GPC5: variants seen among roughly 807,000 people sequenced by gnomAD.
The protein encoded by GPC5 is glypican 5, also known as glypican-5.
A neutral mutation model predicts 53.9 loss-of-function variants in GPC5; 47 were observed. The observed-to-expected ratio is 0.87, with a 90% CI of 0.69 to 1.11. GPC5 has a LOEUF of 1.11. Among genes scored for constraint, GPC5 ranks in the 50% most tolerant of loss-of-function variants. The pLI is 0.00. For missense variants in GPC5, 748 were observed against 713.1 expected, an observed-to-expected ratio of 1.05 and a Z score of -0.56; for synonymous variants, 286 against 263.3, an observed-to-expected ratio of 1.09 and a Z score of -0.84.
chr13:91,425,488 G>A (rs1434973971), intron 1 of GPC5, among the ~76,000 whole-genome samples: 1 of 152,098 alleles, frequency 6.6e-6, no homozygotes, highest in Non-Finnish European at 1.5e-5. Flanking sequence ...TTCTCATGAG[G>A]TCTGATGGTT....
intron 7 of GPC5, chr13:92,239,805 T>G (rs931093189): frequency 2.6e-5 from 4 of 152,162 alleles, no homozygotes; most frequent in African/African-American, 7.2e-5. Context: ...ATGATTTGCT[T>G]TTATACATAT....
At chr13:92,131,440 T>G (rs564139447) in intron 6 of GPC5, among the ~76,000 whole-genome samples, 2 of 152,058 alleles carry the variant, frequency 1.3e-5, no homozygotes, top group Admixed American at 1.3e-4. Flanking sequence ...TAGAAACAGG[T>G]GAATCATCTA....
intron 6 of GPC5, among the ~76,000 whole-genome samples, chr13:92,002,539 G>T (rs987516359): frequency 6.6e-6 from 1 of 152,156 alleles, no homozygotes; most frequent in Non-Finnish European, 1.5e-5. Context: ...ATGTTGTGGA[G>T]GGAAAACCAT....
chr13:92,391,337 T>G (rs1424753941), intron 7 of GPC5, among the ~76,000 whole-genome samples: 1 of 152,168 alleles, frequency 6.6e-6, no homozygotes, highest in Admixed American at 6.5e-5. Flanking sequence ...GGATTGTGCA[T>G]TAAGATACAG....
At chr13:92,539,915 T>A in intron 7 of GPC5, among the ~76,000 whole-genome samples, 1 of 151,988 alleles carries the variant, frequency 6.6e-6, no homozygotes. Context: ...GAACCAAAAA[T>A]TTAGAATTAA....
chr13:92,280,856 T>C (rs897973325), intron 7 of GPC5, among the ~76,000 whole-genome samples: 4 of 152,104 alleles, frequency 2.6e-5, no homozygotes, highest in Non-Finnish European at 4.4e-5. Context: ...CATTTCCAAC[T>C]GAGGTACCGG....
intron 7 of GPC5, among the ~76,000 whole-genome samples, chr13:92,683,433 A>T (rs1383509340): frequency 6.6e-6 from 1 of 152,150 alleles, no homozygotes; most frequent in African/African-American, 2.4e-5. Flanking sequence ...TCTCATTCTC[A>T]GTTGAAGAAC....
intron 7 of GPC5, among the ~76,000 whole-genome samples, chr13:92,347,448 T>C (rs1262345181): frequency 6.6e-6 from 1 of 151,948 alleles, no homozygotes; most frequent in East Asian, 1.9e-4. Flanking sequence ...ATTGGTCTTT[T>C]AGGAATGAGG....
intron 7 of GPC5, among the ~76,000 whole-genome samples, chr13:92,175,369 T>C (rs7326950): frequency 0.049 from 7,460 of 152,290 alleles, 615 homozygotes; most frequent in African/African-American, 0.17. Context: ...TGACACCTAA[T>C]TGGAATTCAA....
intron 2 of GPC5, among the ~76,000 whole-genome samples, chr13:91,672,845 A>G (rs2035282114): frequency 6.6e-6 from 1 of 152,224 alleles, no homozygotes; most frequent in South Asian, 2.1e-4. Flanking sequence ...ATGCCCATCA[A>G]TGAGAGCACG....
At chr13:92,356,210 G>C (rs1174599711) in intron 7 of GPC5, among the ~76,000 whole-genome samples, 1 of 152,072 alleles carries the variant, frequency 6.6e-6, no homozygotes, top group Non-Finnish European at 1.5e-5. Flanking sequence ...CACACACTTA[G>C]TCCATAACAT....
intron 5 of GPC5, among the ~76,000 whole-genome samples, chr13:91,848,226 A>G (rs1425375180): frequency 6.6e-6 from 1 of 152,210 alleles, no homozygotes; most frequent in Non-Finnish European, 1.5e-5. Context: ...AACTTGCTCT[A>G]TTTTATTAGG....
At chr13:92,622,680 T>G (rs1884913556) in intron 7 of GPC5, among the ~76,000 whole-genome samples, 1 of 152,102 alleles carries the variant, frequency 6.6e-6, no homozygotes, top group Admixed American at 6.6e-5. Context: ...TCCTCCTTCC[T>G]TAGTCTTCTG....
At chr13:91,702,651 AT>A (rs1223472196) in intron 3 of GPC5, among the ~76,000 whole-genome samples, 3 of 151,898 alleles carry the variant, frequency 2.0e-5, no homozygotes, top group Admixed American at 6.6e-5. Context: ...AAATTTTAGG[AT>A]TTTTTTCTCT....
At chr13:92,544,721 G>C (rs2139006683) in intron 7 of GPC5, among the ~76,000 whole-genome samples, 2 of 151,684 alleles carry the variant, frequency 1.3e-5, no homozygotes, top group South Asian at 4.2e-4. Flanking sequence ...TCTTTTTTTG[G>C]TCATTTTATT....
chr13:92,630,641 T>G (rs1594364567), intron 7 of GPC5, among the ~76,000 whole-genome samples: 1 of 152,288 alleles, frequency 6.6e-6, no homozygotes, highest in East Asian at 1.9e-4. Flanking sequence ...TGTATACCTA[T>G]GTAACAAACC....
intron 7 of GPC5, among the ~76,000 whole-genome samples, chr13:92,734,301 G>A (rs1888882262): frequency 6.6e-6 from 1 of 151,750 alleles, no homozygotes; most frequent in Non-Finnish European, 1.5e-5. Context: ...ATCCTCTGGT[G>A]CATGTTTGCA....
chr13:92,155,174 A>G (rs989030837), intron 7 of GPC5, among the ~76,000 whole-genome samples: 1 of 152,140 alleles, frequency 6.6e-6, no homozygotes, highest in Non-Finnish European at 1.5e-5. Flanking sequence ...TATGGTGATG[A>G]GACTTTGTGT....
chr13:92,677,419 T>C lies in GPC5; in HGVS notation c.1562-188863T>C, dbSNP rs1594412220. 2.6e-5 allele frequency among the ~76,000 whole-genome samples: 4 copies of C among 152,166 alleles called. No homozygotes were observed. The East Asian group carries it at 7.7e-4, about 29-fold the overall frequency. Reference sequence around the variant, plus strand: ...ACACACTGTTATTTTACAGGGAGAATGTACAGTGTCAGTTCATTCAACAAG... The same window carrying C: ...ACACACTGTTATTTTACAGGGAGAACGTACAGTGTCAGTTCATTCAACAAG... On this transcript the variant is annotated intron_variant, in intron 7 of 7. Coordinates refer to ENST00000377067, the MANE Select transcript of GPC5 (RefSeq NM_004466.6).
Sources: gnomAD v4.1 joint callset for allele counts (sites outside exome capture counted in the v4.1 genomes callset) on GRCh38, gnomAD v4.1.1 for gene constraint, MANE v1.5 for transcripts, NCBI Gene and HGNC (gene_info 2026-07-23, HGNC 2026-07-21) for gene names.